Variants in MRPL12 observed in about 807,000 individuals in gnomAD.
MRPL12 encodes mitochondrial ribosomal protein L12.
MRPL12 carries 13 observed loss-of-function variants against 21.1 expected under a neutral mutation model. The ratio of observed to expected loss-of-function variants is 0.62; its 90% CI spans 0.40 to 0.98. MRPL12 has a LOEUF of 0.98. Ranked by LOEUF, MRPL12 falls within the 50% of genes least tolerant of loss-of-function variation. MRPL12 has a pLI of 0.00. For synonymous variants in MRPL12, 126 were observed against 115.3 expected (o/e 1.09, Z -0.60); for missense variants, 251 against 268.6 (o/e 0.93, Z 0.46).
intron 3 of MRPL12, among the ~76,000 whole-genome samples, chr17:81,705,881 T>G (rs2037308450): frequency 6.6e-6 from 1 of 152,182 alleles, no homozygotes; most frequent in South Asian, 2.1e-4. Flanking sequence ...AACTGGAAGG[T>G]AGTTTAAAGG....
chr17:81,703,576 G>A lies in MRPL12; in HGVS notation c.74+1G>A, dbSNP rs1555701427. 2.8e-6 allele frequency: 4 copies of A among 1,438,986 alleles called. No individual in the cohort carries two copies. Among genetic ancestry groups the A allele is most frequent in the Non-Finnish European group, 2.7e-6 (3 of 1,100,602 alleles). 89.1% of individuals were successfully genotyped at this position (1,438,986 alleles called of 1,614,324 possible). On this transcript the variant is annotated splice_donor_variant, in intron 1 of 4. Coordinates refer to ENST00000333676, the MANE Select transcript of MRPL12 (RefSeq NM_002949.4). LOFTEE classifies it high-confidence loss of function. ...GGGCCGCTGCGTTCCGCCTTGCCAG[G>A]TACGCGGGATCCTGGGGCGGTCCGG...
At chr17:81,704,557 C>T in intron 2 of MRPL12, 76 bp from the exon 3 acceptor site, 1 of 1,577,728 alleles carries the variant, frequency 6.3e-7, no homozygotes, top group Non-Finnish European at 8.7e-7. Context: ...AGGTCCATGC[C>T]AGGCTAGTTG....
At chr17:81,703,755 C>T (rs965783457) in intron 1 of MRPL12, among the ~76,000 whole-genome samples, 180 bp downstream of exon 1, 46 of 152,234 alleles carry the variant, frequency 3.0e-4, no homozygotes, top group Non-Finnish European at 4.4e-5. Context: ...CCCCTTCCCT[C>T]CTGGGCCGTG....
rs1232642637 is a variant in MRPL12, at chr17:81,707,109, T to C, written c.481-15T>C. 1.2e-6 allele frequency: 2 copies of C among 1,613,954 alleles called. No individual in the cohort carries two copies. Among genetic ancestry groups the C allele is most frequent in the Admixed American group, 1.7e-5 (1 of 60,028 alleles). ...GGCCAGGGCCCCCAGTCCCTGACTT[T>C]GCTCTCTCTGGCAGGCAAAGAAGCT... On this transcript the variant is annotated splice_polypyrimidine_tract_variant and intron_variant, in intron 4 of 4. Transcript: ENST00000333676.
At position 81,704,847 on chromosome 17, in the gene MRPL12, G is replaced by A. The variant is rs116962266; in HGVS notation, c.345+131G>A. 1.5e-3 allele frequency: 1,169 copies of A among 765,364 alleles called. 33 individuals carry two copies. The East Asian group carries it at 0.03, about 20-fold the overall frequency. 47.4% of individuals were successfully genotyped at this position (765,364 alleles called of 1,614,324 possible). On this transcript the variant is annotated intron_variant, in intron 3 of 4. Transcript: ENST00000333676. ...AGCCTGCACACCTGTGCGGCATCCT[G>A]CAGCCTCCTGGGACCTACTCCCTGC...
At position 81,707,248 on chromosome 17, in the gene MRPL12, C is replaced by G. The variant is rs1337560992; in HGVS notation, c.*8C>G. 6.4e-7 allele frequency: 1 copy of G among 1,572,880 alleles called. No homozygotes were observed. Among genetic ancestry groups the G allele is most frequent in the Non-Finnish European group, 8.6e-7 (1 of 1,158,182 alleles). On this transcript the variant is annotated 3_prime_UTR_variant, in exon 5 of 5. Transcript: ENST00000333676. ...ACCGTGGTTCTGGAGTAGCCTCCAG[C>G]TCGGAGGACTTGTGTTCAGGGGTCC...
Position 81,706,962 on chromosome 17 carries a change from G to T in MRPL12, c.402G>T (p.Leu134=). The T allele has an allele frequency of 6.2e-7, 1 of 1,614,086 alleles. No homozygotes were observed. Among genetic ancestry groups the T allele is most frequent in the South Asian group, 1.1e-5 (1 of 91,074 alleles). ...AKERTHFTVR[L]TEAKPVDKVK... ...AACGGACACATTTCACCGTCCGCCT[G>T]ACCGAGGCGAAGCCCGTGGACAAAG... The change falls in exon 4 of 5, where the codon CTG becomes CTT. Residue 134 remains leucine (L), a synonymous_variant. Coordinates refer to ENST00000333676, the MANE Select transcript of MRPL12 (RefSeq NM_002949.4).
chr17:81,704,132 C>T, intron 1 of MRPL12, 112 bp from the exon 2 acceptor site: 1 of 1,118,924 alleles, frequency 8.9e-7, no homozygotes, highest in Non-Finnish European at 1.2e-6. Flanking sequence ...TAGTGATTAC[C>T]AGCCTGAGCT....
At position 81,706,059 on chromosome 17, in the gene MRPL12, C is replaced by G. The variant is rs528062793; in HGVS notation, c.346-847C>G. The stretch of plus-strand genomic sequence containing the variant: ...TCGGGTGGTGCTGGGTCTCCATGCG[C>G]CACGTCAGAAGCGCAGCGTGCCCGT... On this transcript the variant is annotated intron_variant, in intron 3 of 4. Transcript: ENST00000333676. 2.2e-4 allele frequency among the ~76,000 whole-genome samples: 34 copies of G among 152,330 alleles called. No homozygotes were observed. In the South Asian group the frequency reaches 6.8e-3, roughly 31 times the overall value.
intron 3 of MRPL12, among the ~76,000 whole-genome samples, chr17:81,705,243 T>C (rs2037302322): frequency 6.7e-6 from 1 of 149,910 alleles, no homozygotes; most frequent in Non-Finnish European, 1.5e-5. Context: ...AATACAAAAA[T>C]TAGCCGGCGT....
At chr17:81,704,460 G>A (rs2037292070) in intron 2 of MRPL12, 30 bp downstream of exon 2, 1 of 1,602,128 alleles carries the variant, frequency 6.2e-7, no homozygotes, top group Non-Finnish European at 8.5e-7. Context: ...CAGACCCAGG[G>A]GCTGGAAGTT....
At chr17:81,705,593 C>T (rs2037306340) in intron 3 of MRPL12, among the ~76,000 whole-genome samples, 1 of 152,116 alleles carries the variant, frequency 6.6e-6, no homozygotes, top group Non-Finnish European at 1.5e-5. Flanking sequence ...ACCAAGGTCA[C>T]CAGGCAAGAG....
intron 3 of MRPL12, 86 bp downstream of exon 3, chr17:81,704,802 C>A: frequency 8.6e-7 from 1 of 1,158,494 alleles, no homozygotes; most frequent in South Asian, 1.4e-5. Context: ...TCAGGTTCTG[C>A]AGCTACCGTC....
chr17:81,707,025 C>G lies in MRPL12; in HGVS notation c.465C>G (p.Gly155=). 1.2e-6 allele frequency: 2 copies of G among 1,614,104 alleles called. No homozygotes were observed. The highest frequency in any genetic ancestry group is 4.5e-5 in the East Asian group (2 of 44,890). Residue 155 remains glycine (G), a synonymous_variant, in exon 4 of 5, where the codon GGC becomes GGG. Coordinates refer to ENST00000333676, the MANE Select transcript of MRPL12 (RefSeq NM_002949.4). ...LIKEIKNYIQ[G]INLVQAKKLV... is the part of the protein sequence containing the mutation. The stretch of plus-strand genomic sequence containing the variant: ...AGGAAATCAAGAACTACATCCAAGG[C>G]ATCAACCTCGTCCAGGTCTGTGCCG...
intron 1 of MRPL12, among the ~76,000 whole-genome samples, chr17:81,703,815 C>T (rs1013289224): frequency 1.3e-5 from 2 of 152,240 alleles, no homozygotes; most frequent in Admixed American, 6.5e-5. Context: ...CCCTGCTCCT[C>T]CCTTGGCCTC....
intron 3 of MRPL12, among the ~76,000 whole-genome samples, chr17:81,705,299 G>T (rs967040842): frequency 2.0e-5 from 3 of 147,458 alleles, no homozygotes; most frequent in African/African-American, 7.5e-5. Flanking sequence ...GCTGAGGCAA[G>T]AGAATTGCTT....
chr17:81,707,282 G>C lies in MRPL12; in HGVS notation c.*42G>C, dbSNP rs200543966. 3 of 1,515,720 alleles carry C rather than the reference G, an allele frequency of 2.0e-6. No homozygotes were observed. The highest frequency in any genetic ancestry group is 2.1e-5 in the Admixed American group (1 of 48,282). 93.9% of individuals were successfully genotyped at this position (1,515,720 alleles called of 1,614,324 possible). A position where few individuals can be genotyped will look rare whatever the true frequency, so the allele number is the denominator to read the frequency against. The stretch of plus-strand genomic sequence containing the variant: ...CTTGTGTTCAGGGGTCCTGGGCCCC[G>C]GGCGAGGTCCCGCCCTCCCGTGGTC... On this transcript the variant is annotated 3_prime_UTR_variant, in exon 5 of 5. Transcript: ENST00000333676.
At position 81,707,004 on chromosome 17, in the gene MRPL12, A is replaced by G. The variant is rs1313901435; in HGVS notation, c.444A>G (p.Glu148=). The G allele has an allele frequency of 6.2e-7, 1 of 1,614,114 alleles. No individual in the cohort carries two copies. Among genetic ancestry groups the G allele is most frequent in the East Asian group, 2.2e-5 (1 of 44,880 alleles). ...TGGACAAAGTGAAGCTGATCAAGGA[A>G]ATCAAGAACTACATCCAAGGCATCA... ...KPVDKVKLIK[E]IKNYIQGINL... The change falls in exon 4 of 5, where the codon GAA becomes GAG. Residue 148 remains glutamate, a synonymous_variant. Transcript: ENST00000333676.
chr17:81,706,135 G>A (rs2037311913), intron 3 of MRPL12, among the ~76,000 whole-genome samples: 1 of 152,220 alleles, frequency 6.6e-6, no homozygotes, highest in South Asian at 2.1e-4. Context: ...CTGCAGTGTG[G>A]CTGAGAAAGG....
Sources: allele counts gnomAD v4.1 joint callset (sites outside exome capture counted in the v4.1 genomes callset), GRCh38; gene constraint gnomAD v4.1.1; transcripts MANE v1.5; gene names NCBI Gene and HGNC (gene_info 2026-07-23, HGNC 2026-07-21).